Variants in SLC4A5 observed in about 807,000 individuals in gnomAD.
The protein encoded by SLC4A5 is solute carrier family 4 member 5, also known as electrogenic sodium bicarbonate cotransporter 4.
Under a neutral mutation model 120.4 loss-of-function variants are expected in SLC4A5, and 96 were observed. The ratio of observed to expected loss-of-function variants is 0.80; its 90% confidence interval spans 0.68 to 0.94. The LOEUF (loss-of-function observed/expected upper bound fraction) is 0.94, where lower values mean the gene tolerates loss of function less well. SLC4A5 is among the 40% of genes least tolerant of loss of function. The probability of loss-of-function intolerance (pLI) is 0.00; values close to 1 mark genes in which losing one functional copy is unlikely to be tolerated. For synonymous variants in SLC4A5, 550 were observed against 571.1 expected (o/e 0.96, Z 0.53); for missense variants, 1,259 against 1,459.5 (o/e 0.86, Z 2.24).
At chr2:74,279,936 T>A (rs1393161763) in intron 8 of SLC4A5, among the ~76,000 whole-genome samples, 4 of 152,142 alleles carry the variant, frequency 2.6e-5, no homozygotes, top group Non-Finnish European at 5.9e-5. Flanking sequence ...ACTGCCAGCA[T>A]CTCTCCCTTG....
intron 7 of SLC4A5, among the ~76,000 whole-genome samples, chr2:74,292,136 G>C (rs964689738): frequency 2.0e-5 from 3 of 152,178 alleles, no homozygotes; most frequent in South Asian, 4.1e-4. Flanking sequence ...GACTGTGGCA[G>C]GGATTCAATG....
intron 7 of SLC4A5, among the ~76,000 whole-genome samples, chr2:74,290,866 G>C (rs1047098675): frequency 1.3e-5 from 2 of 152,178 alleles, no homozygotes; most frequent in Admixed American, 1.3e-4. Flanking sequence ...TGGTCTCTAG[G>C]AGAGCCCAGG....
At chr2:74,224,772 TCCCTGG>T in intron 28 of SLC4A5, 62 bp downstream of exon 28, 1 of 1,563,894 alleles carries the variant, frequency 6.4e-7, no homozygotes, top group Non-Finnish European at 8.6e-7. Context: ...CCTCTCCCTG[TCCCTGG>T]CAAAAGTGGA....
At chr2:74,340,535 T>A (rs1315787279) in intron 2 of SLC4A5, among the ~76,000 whole-genome samples, 2 of 151,926 alleles carry the variant, frequency 1.3e-5, no homozygotes, top group African/African-American at 4.8e-5. Flanking sequence ...AGCAGAGAAA[T>A]TCCCATGGGG....
chr2:74,263,207 T>A (rs1466243961), intron 10 of SLC4A5, among the ~76,000 whole-genome samples: 2 of 152,184 alleles, frequency 1.3e-5, no homozygotes, highest in Non-Finnish European at 1.5e-5. Context: ...ACTTGGCTAA[T>A]TTTTTGTAAG....
At chr2:74,307,444 C>A in intron 6 of SLC4A5, 2 of 630,968 alleles carry the variant, frequency 3.2e-6, no homozygotes, top group South Asian at 1.4e-5. Flanking sequence ...ACACTGGTGT[C>A]ATCAATGACC....
chr2:74,246,018 G>C (rs1670598626), intron 19 of SLC4A5, among the ~76,000 whole-genome samples: 5 of 152,158 alleles, frequency 3.3e-5, no homozygotes, highest in Admixed American at 3.3e-4. Context: ...GTCCAGCCTT[G>C]GTGCTTGGAG....
Position 74,338,917 on chromosome 2 carries a change from C to CA in SLC4A5, c.-269-15dup, listed in dbSNP as rs2104357263. On this transcript the variant is annotated splice_polypyrimidine_tract_variant and intron_variant, in intron 2 of 30. Transcript: ENST00000394019. Reference sequence around the variant, plus strand: ...TTACACTCCCACCTGTGGACAAAAACAGAGATGTGGTTTGGGACAGTTACT... The same window carrying CA: ...TTACACTCCCACCTGTGGACAAAAACAAGAGATGTGGTTTGGGACAGTTACT... The CA allele has an allele frequency of 6.6e-6, 1 of 152,326 alleles. No individual in the cohort carries two copies. Among genetic ancestry groups the CA allele is most frequent in the South Asian group, 2.1e-4 (1 of 4,824 alleles). 9.4% of individuals were successfully genotyped at this position (152,326 alleles called of 1,614,324 possible).
intron 30 of SLC4A5, among the ~76,000 whole-genome samples, chr2:74,219,450 C>T (rs1694554609): frequency 6.6e-6 from 1 of 152,094 alleles, no homozygotes; most frequent in Non-Finnish European, 1.5e-5. Flanking sequence ...CCTGGTAGAT[C>T]ATTGATGCTT....
intron 6 of SLC4A5, 62 bp from the exon 7 acceptor site, chr2:74,304,742 A>G: frequency 6.6e-7 from 1 of 1,512,080 alleles, no homozygotes; most frequent in Non-Finnish European, 9.0e-7. Context: ...TTTTTTCATA[A>G]TATTCATCAG....
At chr2:74,294,018 G>A (rs186201012) in intron 7 of SLC4A5, among the ~76,000 whole-genome samples, 22 of 152,360 alleles carry the variant, frequency 1.4e-4, no homozygotes, top group African/African-American at 2.6e-4. Context: ...GAAACACTCC[G>A]TGACCTTGGA....
intron 7 of SLC4A5, among the ~76,000 whole-genome samples, chr2:74,287,390 G>A (rs1672017209): frequency 6.6e-6 from 1 of 152,146 alleles, no homozygotes; most frequent in Non-Finnish European, 1.5e-5. Flanking sequence ...CTAGACAAGG[G>A]TGTGAGTCTC....
chr2:74,308,391 T>G (rs1672712828), intron 6 of SLC4A5, among the ~76,000 whole-genome samples: 1 of 152,246 alleles, frequency 6.6e-6, no homozygotes, highest in Non-Finnish European at 1.5e-5. Context: ...CAGCATTTGG[T>G]ATTGGCAGTT....
chr2:74,250,222 G>T, intron 17 of SLC4A5, 121 bp downstream of exon 17: 1 of 877,626 alleles, frequency 1.1e-6, no homozygotes. Context: ...TACAAATAGT[G>T]ATGGCCTCAA....
chr2:74,334,297 CA>C (rs1452970783), intron 3 of SLC4A5, 120 bp from the exon 4 acceptor site: 4 of 152,256 alleles, frequency 2.6e-5, no homozygotes, highest in African/African-American at 9.7e-5. Flanking sequence ...ATCTACTTCC[CA>C]ATCGCTGCTG....
intron 11 of SLC4A5, 99 bp from the exon 12 acceptor site, chr2:74,259,742 C>A (rs10181732): frequency 0.054 from 60,678 of 1,126,530 alleles, 1,869 homozygotes; most frequent in East Asian, 0.1. Flanking sequence ...TGTTCATAAC[C>A]AAAGCAAACT....
intron 22 of SLC4A5, 37 bp from the exon 23 acceptor site, chr2:74,233,600 C>A: frequency 6.4e-7 from 1 of 1,569,552 alleles, no homozygotes; most frequent in Non-Finnish European, 8.7e-7. Context: ...CCTTTCCTCT[C>A]TCCCTTGTCC....
intron 10 of SLC4A5, 64 bp downstream of exon 10, chr2:74,264,083 C>T (rs1342484062): frequency 1.1e-5 from 17 of 1,554,204 alleles, no homozygotes; most frequent in East Asian, 4.5e-5. Context: ...TGGGCTCACC[C>T]GGGTACCAGG....
intron 6 of SLC4A5, among the ~76,000 whole-genome samples, chr2:74,311,599 T>C (rs887539564): frequency 6.6e-6 from 1 of 152,222 alleles, no homozygotes; most frequent in Non-Finnish European, 1.5e-5. Flanking sequence ...TCTCTAAATA[T>C]GTTGGGATTT....
Sources: gnomAD v4.1 joint callset for allele counts (sites outside exome capture counted in the v4.1 genomes callset) on GRCh38, gnomAD v4.1.1 for gene constraint, MANE v1.5 for transcripts, NCBI Gene and HGNC (gene_info 2026-07-23, HGNC 2026-07-21) for gene names.